Variants in CLNK observed in about 807,000 individuals in gnomAD.
CLNK encodes cytokine-dependent hematopoietic cell linker.
A neutral mutation model predicts 68.6 loss-of-function variants in CLNK; 74 were observed. The observed-to-expected ratio is 1.08, with a 90% confidence interval of 0.89 to 1.31. The LOEUF is 1.31. CLNK is among the 50% of genes most tolerant of loss of function. CLNK has a pLI of 0.00. For synonymous variants in CLNK, 198 were observed against 172.2 expected (o/e 1.15, Z -1.17); for missense variants, 553 against 515.3 (o/e 1.07, Z -0.71).
At chr4:10,537,690 CCTTCCTTCCTTCCTT>C (rs1560206935) in intron 11 of CLNK, among the ~76,000 whole-genome samples, 2 of 9,358 alleles carry the variant, frequency 2.1e-4, no homozygotes, top group Non-Finnish European at 5.6e-4. Context: ...TTCCTTCCTT[CCTTCCTTCCTTCCTT>C]CCTTTCTTTC....
intron 1 of CLNK, among the ~76,000 whole-genome samples, chr4:10,678,388 C>T (rs1047509077): frequency 1.3e-5 from 2 of 152,134 alleles, no homozygotes; most frequent in African/African-American, 4.8e-5. Flanking sequence ...AATTTCTTTG[C>T]ATCAGTGCCG....
chr4:10,598,472 C>A (rs1721466870), intron 2 of CLNK, among the ~76,000 whole-genome samples: 1 of 152,152 alleles, frequency 6.6e-6, no homozygotes. Flanking sequence ...AACCGTGAGC[C>A]AGGCAATGTC....
intron 7 of CLNK, among the ~76,000 whole-genome samples, chr4:10,564,027 T>C (rs1720000496): frequency 6.6e-6 from 1 of 152,066 alleles, no homozygotes; most frequent in African/African-American, 2.4e-5. Flanking sequence ...ATTAAGAAAA[T>C]TAAGTGTTAG....
chr4:10,642,363 A>C (rs979114418), intron 2 of CLNK, among the ~76,000 whole-genome samples: 12 of 152,312 alleles, frequency 7.9e-5, no homozygotes, highest in African/African-American at 2.4e-4. Context: ...AAACAATGCA[A>C]AGGAGAGAAA....
intron 3 of CLNK, among the ~76,000 whole-genome samples, chr4:10,588,737 T>A (rs1407676326): frequency 6.6e-6 from 1 of 152,190 alleles, no homozygotes; most frequent in Non-Finnish European, 1.5e-5. Flanking sequence ...AATGGACAAG[T>A]ATTACATGAT....
chr4:10,626,019 G>A (rs1421321804), intron 2 of CLNK, among the ~76,000 whole-genome samples: 1 of 152,216 alleles, frequency 6.6e-6, no homozygotes, highest in Non-Finnish European at 1.5e-5. Context: ...CCACCTTTAA[G>A]GTGTAGAGGC....
intron 12 of CLNK, 179 bp downstream of exon 12, chr4:10,532,077 A>G: frequency 1.5e-6 from 1 of 662,628 alleles, no homozygotes; most frequent in Non-Finnish European, 2.7e-6. Flanking sequence ...TAAAATCTGG[A>G]GCTAAGCTTG....
chr4:10,688,205 T>A (rs1331184696), upstream of CLNK, among the ~76,000 whole-genome samples: 1 of 152,130 alleles, frequency 6.6e-6, no homozygotes, highest in African/African-American at 2.4e-5. Context: ...CCAGAAATAT[T>A]GAGTTGTGGG....
the CLNK span, among the ~76,000 whole-genome samples, chr4:10,699,286 G>A: frequency 1.1e-4 from 6 of 55,258 alleles, 1 homozygote; most frequent in East Asian, 3.7e-3. Flanking sequence ...CACCACATAC[G>A]TGTATACACA....
chr4:10,543,155 C>T (rs374663748), intron 8 of CLNK, among the ~76,000 whole-genome samples: 16 of 151,962 alleles, frequency 1.1e-4, no homozygotes, highest in Admixed American at 3.9e-4. Context: ...GTGGGTAGAC[C>T]GGCATTGAAG....
Position 10,564,742 on chromosome 4 carries a change from G to T in CLNK, c.328C>A (p.Leu110Ile), listed in dbSNP as rs760909757. ...ATAGAGGTCCTGGTGTCTAACGGAAGGGGAGTGTCCATTGCAACCTTGAAA... is the reference window on the plus strand; with the variant it reads ...ATAGAGGTCCTGGTGTCTAACGGAATGGGAGTGTCCATTGCAACCTTGAAA... The part of the protein sequence containing the change: ...HYFKVAMDTP[L>I]PLDTRTSISI... The change falls in exon 7 of 19, where the codon CTT (leucine) becomes ATT (isoleucine). Residue 110 changes from leucine to isoleucine, a missense_variant. Leu to Ile is a conservative substitution (Grantham distance 5, BLOSUM62 2). Coordinates refer to ENST00000226951, the MANE Select transcript of CLNK (RefSeq NM_052964.4). 5.6e-6 allele frequency: 9 copies of T among 1,613,438 alleles called. No homozygotes were observed. Among genetic ancestry groups the T allele is most frequent in the Non-Finnish European group, 6.8e-6 (8 of 1,179,530 alleles).
At chr4:10,592,230 G>A (rs866674606) in intron 3 of CLNK, among the ~76,000 whole-genome samples, 1 of 152,060 alleles carries the variant, frequency 6.6e-6, no homozygotes, top group African/African-American at 2.4e-5. Context: ...TTCTTTGAGG[G>A]CAGAAAACAT....
At chr4:10,601,717 A>G (rs530229089) in intron 2 of CLNK, among the ~76,000 whole-genome samples, 2 of 152,306 alleles carry the variant, frequency 1.3e-5, no homozygotes, top group African/African-American at 2.4e-5. Flanking sequence ...TCCTAAGTAG[A>G]TGCACATCAT....
At chr4:10,725,947 A>G in the CLNK span, among the ~76,000 whole-genome samples, 1 of 152,236 alleles carries the variant, frequency 6.6e-6, no homozygotes, top group Admixed American at 6.5e-5. Context: ...GTTGTATCAA[A>G]GCAGCACAAA....
At chr4:10,584,088 A>G (rs1014780204) in intron 4 of CLNK, among the ~76,000 whole-genome samples, 1 of 152,332 alleles carries the variant, frequency 6.6e-6, no homozygotes, top group Admixed American at 6.5e-5. Context: ...CTGACTGGGA[A>G]GTTGAATGAA....
At chr4:10,642,744 G>C (rs1198003043) in intron 2 of CLNK, among the ~76,000 whole-genome samples, 2 of 152,204 alleles carry the variant, frequency 1.3e-5, no homozygotes, top group African/African-American at 2.4e-5. Flanking sequence ...TAGCTGGGTA[G>C]CTGGGAAAGT....
upstream of CLNK, among the ~76,000 whole-genome samples, chr4:10,687,547 G>T (rs1725311206): frequency 6.6e-6 from 1 of 152,050 alleles, no homozygotes; most frequent in Non-Finnish European, 1.5e-5. Flanking sequence ...AGGGGAGAAG[G>T]GAAGGAGTAA....
rs766480772 is a variant in CLNK at position 10,513,608 on chromosome 4, TA to T, written c.773-12del. 10 of 1,585,900 alleles carry T rather than the reference TA, an allele frequency of 6.3e-6. No individual in the cohort carries two copies. Among genetic ancestry groups the T allele is most frequent in the Admixed American group, 3.6e-5 (2 of 55,146 alleles). On this transcript the variant is annotated splice_polypyrimidine_tract_variant and intron_variant, in intron 15 of 18. Transcript: ENST00000226951. ...TGCCTCCTCTATGATCTGGAAAGGT[TA>T]AATTCACATTTCAGTGTGATTTTGT...
chr4:10,612,914 T>C (rs191125122), intron 2 of CLNK, among the ~76,000 whole-genome samples: 1 of 152,330 alleles, frequency 6.6e-6, no homozygotes, highest in Admixed American at 6.5e-5. Context: ...AGATAATGCA[T>C]GCAAAATGCT....
Sources: allele counts gnomAD v4.1 joint callset (sites outside exome capture counted in the v4.1 genomes callset), GRCh38; gene constraint gnomAD v4.1.1; transcripts MANE v1.5; gene names NCBI Gene and HGNC (gene_info 2026-07-23, HGNC 2026-07-21).